The following DNAJC15 variants were observed in gnomAD, a reference collection of about 807,000 sequenced individuals.
The protein encoded by DNAJC15 is dnaJ homolog subfamily C member 15.
Under a neutral mutation model 22.4 loss-of-function variants are expected in DNAJC15, and 27 were observed. The ratio of observed to expected loss-of-function variants is 1.20; its 90% CI spans 0.89 to 1.66. DNAJC15 has a LOEUF of 1.66. Ranked by LOEUF, DNAJC15 falls within the 40% of genes most tolerant of loss-of-function variation. The pLI, the probability that DNAJC15 is intolerant of heterozygous loss-of-function variation, is 0.00. For synonymous variants in DNAJC15, 79 were observed against 63.2 expected, an observed-to-expected ratio of 1.25 and a Z score of -1.19; for missense variants, 208 against 187.1, an observed-to-expected ratio of 1.11 and a Z score of -0.65.
intron 1 of DNAJC15, among the ~76,000 whole-genome samples, chr13:43,035,427 T>A (rs1452703359): frequency 6.6e-6 from 1 of 152,144 alleles, no homozygotes; most frequent in Non-Finnish European, 1.5e-5. Flanking sequence ...AGAGAATGAT[T>A]TTCACTTCTT....
chr13:43,039,883 G>A (rs1476457692), intron 1 of DNAJC15, among the ~76,000 whole-genome samples: 19 of 152,128 alleles, frequency 1.2e-4, no homozygotes, highest in Admixed American at 1.2e-3. Flanking sequence ...GCCAGGCGTG[G>A]TGGCGTGTAC....
intron 1 of DNAJC15, among the ~76,000 whole-genome samples, chr13:43,035,612 C>A (rs1418391477): frequency 6.6e-6 from 1 of 152,170 alleles, no homozygotes; most frequent in East Asian, 1.9e-4. Flanking sequence ...TCAAGGACTT[C>A]ATTACTATAA....
chr13:43,078,118 C>T (rs537247105), intron 3 of DNAJC15, among the ~76,000 whole-genome samples: 5 of 152,290 alleles, frequency 3.3e-5, no homozygotes, highest in Admixed American at 2.6e-4. Context: ...TCTCCTTGTT[C>T]ACGCCTCTCC....
Position 43,108,630 on chromosome 13 carries a change from A to C in DNAJC15, c.*1382A>C, listed in dbSNP as rs1301973555. On this transcript the variant is annotated 3_prime_UTR_variant, in exon 6 of 6. Coordinates refer to ENST00000379221, the MANE Select transcript of DNAJC15 (RefSeq NM_013238.3). ...CATTATTGACATGTTAGGCCAAATAATTTTTTTTGTGGGAGGTCTCTTGTG... is the reference window on the plus strand; with the variant it reads ...CATTATTGACATGTTAGGCCAAATACTTTTTTTTGTGGGAGGTCTCTTGTG... 1 of 151,860 alleles carries C rather than the reference A, an allele frequency of 6.6e-6. No homozygotes were observed. The highest frequency in any genetic ancestry group is 6.6e-5 in the Admixed American group (1 of 15,210). The allele number at this position is 151,860 out of a possible 1,614,324, so 9.4% of individuals were successfully genotyped here.
At chr13:43,072,266 G>A (rs2040612725) in intron 3 of DNAJC15, among the ~76,000 whole-genome samples, 1 of 152,060 alleles carries the variant, frequency 6.6e-6, no homozygotes, top group South Asian at 2.1e-4. Flanking sequence ...TTCTTAGTGA[G>A]CCCTAACTTA....
intron 1 of DNAJC15, among the ~76,000 whole-genome samples, chr13:43,032,016 C>A: frequency 6.6e-6 from 1 of 152,228 alleles, no homozygotes; most frequent in East Asian, 1.9e-4. Context: ...ACTCCTAGAG[C>A]TGTAGGGCCA....
intron 1 of DNAJC15, among the ~76,000 whole-genome samples, chr13:43,044,274 C>T (rs1489316125): frequency 6.6e-6 from 1 of 152,146 alleles, no homozygotes; most frequent in Non-Finnish European, 1.5e-5. Context: ...TAACTCACTG[C>T]AAGATAACAA....
At chr13:43,092,454 A>G (rs1331863724) in intron 5 of DNAJC15, among the ~76,000 whole-genome samples, 1 of 151,808 alleles carries the variant, frequency 6.6e-6, no homozygotes, top group Non-Finnish European at 1.5e-5. Context: ...GTCCTTTTAC[A>G]TTTAATGTAG....
At chr13:43,100,688 T>C (rs993567165) in intron 5 of DNAJC15, among the ~76,000 whole-genome samples, 2 of 152,222 alleles carry the variant, frequency 1.3e-5, no homozygotes, top group East Asian at 1.9e-4. Context: ...TGGCCTATTA[T>C]ATGCTCTGTC....
chr13:43,027,111 A>G (rs993707789), intron 1 of DNAJC15, among the ~76,000 whole-genome samples: 1 of 152,268 alleles, frequency 6.6e-6, no homozygotes, highest in African/African-American at 2.4e-5. Context: ...TCTCATGGAA[A>G]AGTAGAAAAG....
intron 1 of DNAJC15, among the ~76,000 whole-genome samples, chr13:43,034,230 A>G (rs911705358): frequency 5.0e-5 from 7 of 140,554 alleles, no homozygotes; most frequent in African/African-American, 1.8e-4. Context: ...AGGAGTAGAG[A>G]GTTATGCTCT....
At chr13:43,102,994 A>T (rs1484838071) in intron 5 of DNAJC15, among the ~76,000 whole-genome samples, 1 of 151,916 alleles carries the variant, frequency 6.6e-6, no homozygotes, top group East Asian at 1.9e-4. Flanking sequence ...ATTTCTTCTT[A>T]TATTAATTTT....
At chr13:43,039,568 A>G (rs1390241338) in intron 1 of DNAJC15, among the ~76,000 whole-genome samples, 2 of 152,248 alleles carry the variant, frequency 1.3e-5, no homozygotes, top group African/African-American at 4.8e-5. Flanking sequence ...AAAATAGTTC[A>G]GAACTTAATT....
In DNAJC15 at chr13:43,111,933, C is replaced by T. The variant is rs765373128; in HGVS notation, c.*4685C>T. ...ATTTTATTTATGGTGGCATTACACA[C>T]ATTAAGAGATGAGGACTTCTGTTAG... On this transcript the variant is annotated 3_prime_UTR_variant, in exon 6 of 6. Coordinates refer to ENST00000379221, the MANE Select transcript of DNAJC15 (RefSeq NM_013238.3). The T allele has an allele frequency of 6.6e-6, 1 of 152,188 alleles. No homozygotes were observed. Among genetic ancestry groups the T allele is most frequent in the South Asian group, 2.1e-4 (1 of 4,836 alleles). 9.4% of individuals were successfully genotyped at this position (152,188 alleles called of 1,614,324 possible). A position where few individuals can be genotyped will look rare whatever the true frequency, so the allele number is the denominator to read the frequency against.
chr13:43,090,020 C>T (rs185912500), intron 5 of DNAJC15, among the ~76,000 whole-genome samples: 10 of 152,222 alleles, frequency 6.6e-5, no homozygotes, highest in Middle Eastern at 3.4e-3. Context: ...TCATGTGATG[C>T]CATATGCAAA....
intron 1 of DNAJC15, among the ~76,000 whole-genome samples, chr13:43,060,547 A>G (rs2040553559): frequency 6.6e-6 from 1 of 152,186 alleles, no homozygotes; most frequent in Non-Finnish European, 1.5e-5. Context: ...ATGTTGTCAT[A>G]TACCAGGCCA....
chr13:43,052,382 G>A (rs1326822786), intron 1 of DNAJC15, among the ~76,000 whole-genome samples: 1 of 151,892 alleles, frequency 6.6e-6, no homozygotes, highest in Non-Finnish European at 1.5e-5. Flanking sequence ...TTGGCTATTT[G>A]TGTATCTTCT....
chr13:43,075,439 C>T (rs1158361338), intron 3 of DNAJC15, among the ~76,000 whole-genome samples: 1 of 152,010 alleles, frequency 6.6e-6, no homozygotes, highest in Non-Finnish European at 1.5e-5. Context: ...TTTAGAGCTC[C>T]CTAAGGTAAA....
At chr13:43,088,713 GATA>G (rs1245408461) in intron 5 of DNAJC15, among the ~76,000 whole-genome samples, 9 of 152,006 alleles carry the variant, frequency 5.9e-5, no homozygotes, top group African/African-American at 2.2e-4. Flanking sequence ...CTGAAGTCCT[GATA>G]ATAATATATT....
Sources: allele counts gnomAD v4.1 joint callset (sites outside exome capture counted in the v4.1 genomes callset), GRCh38; gene constraint gnomAD v4.1.1; transcripts MANE v1.5; gene names NCBI Gene and HGNC (gene_info 2026-07-23, HGNC 2026-07-21).